CCAR1: variants seen among roughly 807,000 people sequenced by gnomAD.
CCAR1 encodes the protein cell division cycle and apoptosis regulator 1, also known as cell division cycle and apoptosis regulator protein 1.
CCAR1 carries 78 observed loss-of-function variants against 163.8 expected under a neutral mutation model. That is an observed-to-expected ratio of 0.48 (90% CI 0.40 to 0.57). The LOEUF is 0.57. CCAR1 is among the 20% of genes least tolerant of loss of function. CCAR1 has a pLI of 0.00. For synonymous variants in CCAR1, 443 were observed against 460.7 expected, an observed-to-expected ratio of 0.96 and a Z score of 0.49; for missense variants, 1,019 against 1,365.2, an observed-to-expected ratio of 0.75 and a Z score of 4.00.
chr10:68,729,562 C>A (rs1302340196), intron 2 of CCAR1, among the ~76,000 whole-genome samples: 1 of 151,930 alleles, frequency 6.6e-6, no homozygotes, highest in African/African-American at 2.4e-5. Context: ...AGCCACCGCG[C>A]CCGGCTCTTG....
intron 14 of CCAR1, 49 bp from the exon 15 acceptor site, chr10:68,757,245 T>C (rs752754032): frequency 2.1e-6 from 2 of 954,254 alleles, no homozygotes; most frequent in South Asian, 2.9e-5. Flanking sequence ...AAATTATTTT[T>C]ATTTTAAGGT....
intron 19 of CCAR1, among the ~76,000 whole-genome samples, chr10:68,776,179 T>G (rs1428934556): frequency 1.3e-5 from 2 of 152,178 alleles, no homozygotes; most frequent in African/African-American, 4.8e-5. Context: ...GTTTCATCCA[T>G]TCTCCTAGCT....
chr10:68,752,520 A>G (rs562349142), intron 10 of CCAR1, among the ~76,000 whole-genome samples: 20 of 152,222 alleles, frequency 1.3e-4, no homozygotes, highest in Non-Finnish European at 1.8e-4. Flanking sequence ...TAAAAACAAA[A>G]CTCAGATACT....
Position 68,747,145 on chromosome 10 carries a change from C to G in CCAR1, c.519-16C>G. The G allele has an allele frequency of 9.2e-7, 1 of 1,089,140 alleles. No homozygotes were observed. The highest frequency in any genetic ancestry group is 1.3e-6 in the Non-Finnish European group (1 of 784,918). The allele number at this position is 1,089,140 out of a possible 1,614,324, so 67.5% of individuals were successfully genotyped here. A position where few individuals can be genotyped will look rare whatever the true frequency, so the allele number is the denominator to read the frequency against. On this transcript the variant is annotated splice_polypyrimidine_tract_variant and intron_variant, in intron 6 of 24. Transcript: ENST00000265872. ...TGTATTTATATTTAACTTTTTTTTT[C>G]TTTTTTTTTTTACAGTGCTGTCAAA...
rs543222726 is a variant in CCAR1 at position 68,726,824 on chromosome 10, C to T, written c.73+4247C>T. Among the ~76,000 whole-genome samples, 9 of 151,364 alleles carry T rather than the reference C, an allele frequency of 5.9e-5. No homozygotes were observed. In the East Asian group the frequency reaches 8.2e-4, roughly 14 times the overall value. On this transcript the variant is annotated intron_variant, in intron 2 of 24. Transcript: ENST00000265872. Reference sequence around the variant, plus strand: ...CAGCTTGGCCAACATGGTGAAACCCCGTCTCTACTAAAAATACAAAAATTA... The same window carrying T: ...CAGCTTGGCCAACATGGTGAAACCCTGTCTCTACTAAAAATACAAAAATTA...
intron 15 of CCAR1, 44 bp downstream of exon 15, chr10:68,757,421 A>G: frequency 8.7e-7 from 1 of 1,142,866 alleles, no homozygotes; most frequent in Non-Finnish European, 1.3e-6. Context: ...TTTCAATTAA[A>G]AAGTTCTTTC....
At chr10:68,786,386 TTC>T (rs1359322035) in intron 20 of CCAR1, among the ~76,000 whole-genome samples, 158 bp from the exon 21 acceptor site, 3 of 152,186 alleles carry the variant, frequency 2.0e-5, no homozygotes, top group African/African-American at 7.2e-5. Flanking sequence ...TCTGATTCTT[TTC>T]TCTCATATTC....
At position 68,756,549 on chromosome 10, in the gene CCAR1, C is replaced by T. The variant is rs1165311876; in HGVS notation, c.1836+66C>T. 1.7e-6 allele frequency: 2 copies of T among 1,184,926 alleles called. No individual in the cohort carries two copies. The highest frequency in any genetic ancestry group is 2.5e-6 in the Non-Finnish European group (2 of 813,114). 73.4% of individuals were successfully genotyped at this position (1,184,926 alleles called of 1,614,324 possible). On this transcript the variant is annotated intron_variant, in intron 14 of 24. Coordinates refer to ENST00000265872, the MANE Select transcript of CCAR1 (RefSeq NM_018237.4). This position sits in a 1 kb window ranked among gnomAD's most constrained non-coding sequence, Gnocchi z 5.1. Reference sequence around the variant, plus strand: ...AGGCACAGGAACACAGGCACAAATGCACACCACACACTACATAATAAACAC... The same window carrying T: ...AGGCACAGGAACACAGGCACAAATGTACACCACACACTACATAATAAACAC...
chr10:68,772,758 A>T (rs1195816490), intron 18 of CCAR1, among the ~76,000 whole-genome samples: 2 of 105,542 alleles, frequency 1.9e-5, no homozygotes, highest in East Asian at 5.0e-4. Flanking sequence ...ACTCCATCTC[A>T]AAAAAAAAAA....
chr10:68,745,533 G>A (rs1476760465), intron 6 of CCAR1, among the ~76,000 whole-genome samples: 3 of 150,486 alleles, frequency 2.0e-5, no homozygotes, highest in South Asian at 4.2e-4. Flanking sequence ...GCATGATCTC[G>A]GCTCACTGCA....
intron 19 of CCAR1, among the ~76,000 whole-genome samples, chr10:68,773,775 G>T (rs1045176418): frequency 1.3e-5 from 2 of 151,706 alleles, no homozygotes; most frequent in Non-Finnish European, 2.9e-5. Context: ...ACTGTGGCAT[G>T]CTCACAGCTC....
Position 68,756,196 on chromosome 10 carries a change from A to G in CCAR1, c.1626-77A>G. The stretch of plus-strand genomic sequence containing the variant: ...TCTTGCAGCAAAATTTCTTTACTTG[A>G]TGTGCTACAAGTGAACTAGGGTCTT... On this transcript the variant is annotated intron_variant, in intron 13 of 24. Coordinates refer to ENST00000265872, the MANE Select transcript of CCAR1 (RefSeq NM_018237.4). This position sits in a 1 kb window ranked among gnomAD's most constrained non-coding sequence, Gnocchi z 5.1. The G allele has an allele frequency of 5.2e-6, 6 of 1,147,182 alleles. No homozygotes were observed. The highest frequency in any genetic ancestry group is 7.5e-6 in the Non-Finnish European group (6 of 797,668). The allele number at this position is 1,147,182 out of a possible 1,614,324, so 71.1% of individuals were successfully genotyped here.
chr10:68,734,385 G>T (rs1213629258), intron 2 of CCAR1, among the ~76,000 whole-genome samples: 2 of 152,100 alleles, frequency 1.3e-5, no homozygotes, highest in Admixed American at 1.3e-4. Flanking sequence ...AGAAAATTGG[G>T]CTGATGCCTG....
Position 68,788,280 on chromosome 10 carries a change from G to A in CCAR1, c.3139G>A (p.Val1047Ile), listed in dbSNP as rs1197335708. Residue 1047 changes from valine to isoleucine, a missense_variant, in exon 23 of 25, where the codon GTA becomes ATA. Coordinates refer to ENST00000265872, the MANE Select transcript of CCAR1 (RefSeq NM_018237.4). ...LLQKLEKSEK[V>I]RAEVEQKLQL... is the part of the protein sequence containing the mutation. Reference sequence around the variant, plus strand: ...GCAAAAATTGGAAAAGAGCGAAAAAGTAAGAGCTGAGGTAGAACAGAAGCT... The same window carrying A: ...GCAAAAATTGGAAAAGAGCGAAAAAATAAGAGCTGAGGTAGAACAGAAGCT... 6.3e-7 allele frequency: 1 copy of A among 1,597,636 alleles called. No individual in the cohort carries two copies. Among genetic ancestry groups the A allele is most frequent in the African/African-American group, 1.3e-5 (1 of 74,084 alleles).
intron 2 of CCAR1, among the ~76,000 whole-genome samples, chr10:68,733,137 C>CA (rs1490933107): frequency 6.6e-6 from 1 of 152,128 alleles, no homozygotes; most frequent in Non-Finnish European, 1.5e-5. Context: ...AGGCCAGGCA[C>CA]AGTGGCTCAT....
chr10:68,754,239 C>T (rs2056371789), intron 11 of CCAR1, among the ~76,000 whole-genome samples, 162 bp downstream of exon 11: 1 of 152,190 alleles, frequency 6.6e-6, no homozygotes, highest in Non-Finnish European at 1.5e-5. Flanking sequence ...TTAATTTAAG[C>T]TCTCTTTGCC....
chr10:68,790,125 G>A (rs866940680), intron 24 of CCAR1, among the ~76,000 whole-genome samples: 6 of 152,062 alleles, frequency 3.9e-5, no homozygotes, highest in South Asian at 2.1e-4. Context: ...AGGCCAACGC[G>A]GGCGGATCAC....
chr10:68,777,857 G>A (rs531030778), intron 19 of CCAR1, among the ~76,000 whole-genome samples: 8 of 151,890 alleles, frequency 5.3e-5, no homozygotes, highest in Admixed American at 2.6e-4. Flanking sequence ...ACTTGAGCCC[G>A]GGAGGCGGAG....
At chr10:68,788,793 A>T (rs962992090) in intron 23 of CCAR1, among the ~76,000 whole-genome samples, 1 of 151,938 alleles carries the variant, frequency 6.6e-6, no homozygotes, top group Non-Finnish European at 1.5e-5. Flanking sequence ...AGGGACCTTT[A>T]CTTTTCACTA....
Sources: gnomAD v4.1 joint callset for allele counts (sites outside exome capture counted in the v4.1 genomes callset) on GRCh38, gnomAD v4.1.1 for gene constraint, Gnocchi (gnomAD v3.1) non-coding constraint, MANE v1.5 for transcripts, NCBI Gene and HGNC (gene_info 2026-07-23, HGNC 2026-07-21) for gene names.